OR4F3: variants seen among roughly 807,000 people sequenced by gnomAD.
OR4F3 encodes the protein olfactory receptor 4F3/4F16/4F29.
At chr5:181,354,475 C>T in the OR4F3 span, among the ~76,000 whole-genome samples, 2 of 132,650 alleles carry the variant, frequency 1.5e-5, 1 homozygote, top group Non-Finnish European at 3.2e-5. Flanking sequence ...AAGTTTGCTG[C>T]AGGGGTGGTC....
At chr5:181,357,051 A>T in the OR4F3 span, among the ~76,000 whole-genome samples, 4 of 133,806 alleles carry the variant, frequency 3.0e-5, no homozygotes, top group South Asian at 4.8e-4. Context: ...TAGTTCTTTA[A>T]TTTTTGTGTT....
chr5:181,354,882 T>C, the OR4F3 span, among the ~76,000 whole-genome samples: 1 of 129,370 alleles, frequency 7.7e-6, no homozygotes, highest in Non-Finnish European at 1.6e-5. Context: ...GGGTAAATTT[T>C]ACCATTTGGA....
At chr5:181,358,596 C>G in the OR4F3 span, among the ~76,000 whole-genome samples, 1 of 79,306 alleles carries the variant, frequency 1.3e-5, no homozygotes, top group Non-Finnish European at 2.5e-5. Context: ...TTACACCACA[C>G]ACGTGTCCTA....
the OR4F3 span, among the ~76,000 whole-genome samples, chr5:181,361,647 A>T: frequency 8.2e-6 from 1 of 121,596 alleles, no homozygotes; most frequent in Admixed American, 7.7e-5. Flanking sequence ...CCCTATATTC[A>T]TGTATTGTAA....
At chr5:181,362,267 T>A in the OR4F3 span, among the ~76,000 whole-genome samples, 4 of 107,360 alleles carry the variant, frequency 3.7e-5, no homozygotes, top group Non-Finnish European at 5.1e-5. Flanking sequence ...TTTTCAGAAA[T>A]CCTTTCAAGC....
chr5:181,361,156 C>A, the OR4F3 span, among the ~76,000 whole-genome samples: 3 of 86,220 alleles, frequency 3.5e-5, no homozygotes, highest in Non-Finnish European at 6.4e-5. Context: ...TCTTTGAGTT[C>A]ATGCTCCTTC....
the OR4F3 span, among the ~76,000 whole-genome samples, chr5:181,354,178 C>CAG: frequency 3.0e-5 from 3 of 100,718 alleles, no homozygotes; most frequent in Non-Finnish European, 6.0e-5. Flanking sequence ...ATCACACACC[C>CAG]AGAGGCCTAG....
chr5:181,356,935 A>G, the OR4F3 span, among the ~76,000 whole-genome samples: 2 of 134,900 alleles, frequency 1.5e-5, no homozygotes, highest in African/African-American at 3.0e-5. Flanking sequence ...TTTTATTTTA[A>G]TATTTTCATG....
the OR4F3 span, among the ~76,000 whole-genome samples, chr5:181,357,138 T>C: frequency 6.6e-3 from 875 of 133,346 alleles, 133 homozygotes; most frequent in African/African-American, 0.027. Context: ...CTCTCCCACC[T>C]TCGTCATCCA....
chr5:181,357,087 T>G, the OR4F3 span, among the ~76,000 whole-genome samples: 2 of 134,682 alleles, frequency 1.5e-5, 1 homozygote, highest in African/African-American at 6.2e-5. Context: ...CTCCATTGAC[T>G]CTTTTAATAT....
the OR4F3 span, among the ~76,000 whole-genome samples, chr5:181,359,195 C>A: frequency 5.3e-4 from 67 of 126,020 alleles, 9 homozygotes; most frequent in African/African-American, 1.9e-3. Context: ...CTTTTAATAT[C>A]TATGTAATTT....
At chr5:181,357,673 TGTGAAGTCCG>T in the OR4F3 span, among the ~76,000 whole-genome samples, 1 of 18,428 alleles carries the variant, frequency 5.4e-5, no homozygotes, top group East Asian at 6.3e-4. Context: ...ATTTTGTGTT[TGTGAAGTCCG>T]GTAAATTCAG....
At chr5:181,354,513 G>A in the OR4F3 span, among the ~76,000 whole-genome samples, 4 of 131,846 alleles carry the variant, frequency 3.0e-5, 2 homozygotes, top group African/African-American at 6.4e-5. Flanking sequence ...CTAAGGCAGT[G>A]GGGAATGGAA....
the OR4F3 span, among the ~76,000 whole-genome samples, chr5:181,356,608 G>T: frequency 7.4e-6 from 1 of 135,100 alleles, no homozygotes. Flanking sequence ...GGAGCAGATT[G>T]TTCCCCCTGC....
the OR4F3 span, among the ~76,000 whole-genome samples, chr5:181,354,478 G>C: frequency 7.5e-6 from 1 of 132,714 alleles, no homozygotes; most frequent in Non-Finnish European, 1.6e-5. Flanking sequence ...TTTGCTGCAG[G>C]GGTGGTCTTC....
the OR4F3 span, among the ~76,000 whole-genome samples, chr5:181,360,716 A>G: frequency 3.0e-3 from 382 of 127,038 alleles, 1 homozygote; most frequent in African/African-American, 0.013. Flanking sequence ...CTCCTCCTTT[A>G]TTCTTGATAC....
At chr5:181,354,525 T>A in the OR4F3 span, among the ~76,000 whole-genome samples, 1 of 126,152 alleles carries the variant, frequency 7.9e-6, no homozygotes, top group African/African-American at 3.3e-5. Flanking sequence ...GGAATGGAAA[T>A]GTGGGGTTGA....
chr5:181,354,436 T>C, the OR4F3 span, among the ~76,000 whole-genome samples: 1 of 130,838 alleles, frequency 7.6e-6, no homozygotes, highest in African/African-American at 3.3e-5. Context: ...TTTCAGAGAA[T>C]GTATGGAAAT....
chr5:181,362,369 T>C (rs751695154), upstream of OR4F3, among the ~76,000 whole-genome samples: 26 of 117,008 alleles, frequency 2.2e-4, 6 homozygotes, highest in Non-Finnish European at 3.0e-4. Context: ...GAAGTGGTCA[T>C]AAAAGACATT....
Sources: gnomAD v4.1 joint callset for allele counts (sites outside exome capture counted in the v4.1 genomes callset) on GRCh38, gnomAD v4.1.1 for gene constraint, MANE v1.5 for transcripts, NCBI Gene and HGNC (gene_info 2026-07-23, HGNC 2026-07-21) for gene names.